The following OR6B1 variants were observed in gnomAD, a reference collection of about 807,000 sequenced individuals.
OR6B1 encodes the protein olfactory receptor family 6 subfamily B member 1, also known as olfactory receptor 6B1.
A neutral mutation model predicts 15.4 loss-of-function variants in OR6B1; 15 were observed. That is an observed-to-expected ratio of 0.97 (90% confidence interval 0.65 to 1.50). The LOEUF (loss-of-function observed/expected upper bound fraction) is 1.50. Among genes scored for constraint, OR6B1 ranks in the 40% most tolerant of loss-of-function variants. The pLI, the probability that OR6B1 is intolerant of heterozygous loss-of-function variation, is 0.00. For synonymous variants in OR6B1, 139 were observed against 144.9 expected (o/e 0.96, Z 0.29); for missense variants, 384 against 385.0 (o/e 1.00, Z 0.02).
chr7:144,006,719 TG>T lies in OR6B1; in HGVS notation c.*1788del. 1 of 152,124 alleles carries T rather than the reference TG, an allele frequency of 6.6e-6. No individual in the cohort carries two copies. The allele number at this position is 152,124 out of a possible 1,614,324, so 9.4% of individuals were successfully genotyped here. A position where few individuals can be genotyped will look rare whatever the true frequency, so the allele number is the denominator to read the frequency against. ...GACATGTTCAGTAGGGATTAGGAAATGAAAGATAAAAAAACTCTGGCAATAA... is the reference window on the plus strand; with the variant it reads ...GACATGTTCAGTAGGGATTAGGAAATAAAGATAAAAAAACTCTGGCAATAA... On this transcript the variant is annotated 3_prime_UTR_variant, in exon 2 of 2. Coordinates refer to ENST00000641698, the MANE Select transcript of OR6B1 (RefSeq NM_001005281.3).
Position 144,005,686 on chromosome 7 carries a change from G to A in OR6B1, c.*754G>A, listed in dbSNP as rs2050619626. On this transcript the variant is annotated 3_prime_UTR_variant, in exon 2 of 2. Coordinates refer to ENST00000641698, the MANE Select transcript of OR6B1 (RefSeq NM_001005281.3). ...ATTACTTCTCTTTTCTTTTGATCTT[G>A]ATATCCTCTTGTTCCCGCCCCGCAC... 6.6e-6 allele frequency: 1 copy of A among 151,876 alleles called. No individual in the cohort carries two copies. Among genetic ancestry groups the A allele is most frequent in the African/African-American group, 2.4e-5 (1 of 41,332 alleles). The allele number at this position is 151,876 out of a possible 1,614,324, so 9.4% of individuals were successfully genotyped here. A position where few individuals can be genotyped will look rare whatever the true frequency, so the allele number is the denominator to read the frequency against.
chr7:144,002,554 T>C (rs941337385), intron 1 of OR6B1, among the ~76,000 whole-genome samples: 4 of 152,206 alleles, frequency 2.6e-5, no homozygotes, highest in Non-Finnish European at 5.9e-5. Flanking sequence ...TTAAATCTGC[T>C]TCTCTGGAAC....
At chr7:144,003,380 C>A (rs1177112689) in intron 1 of OR6B1, among the ~76,000 whole-genome samples, 3 of 152,130 alleles carry the variant, frequency 2.0e-5, no homozygotes, top group Non-Finnish European at 2.9e-5. Flanking sequence ...AAGGTCATAG[C>A]AAATCGGTGG....
chr7:144,004,913 A>C lies in OR6B1; in HGVS notation c.917A>C (p.Gln306Pro), dbSNP rs1406274187. The C allele has an allele frequency of 1.2e-6, 2 of 1,602,760 alleles. No individual in the cohort carries two copies. Among genetic ancestry groups the C allele is most frequent in the African/African-American group, 2.7e-5 (2 of 74,788 alleles). The change falls in exon 2 of 2, where the codon CAG becomes CCG. Residue 306 changes from glutamine (Q) to proline (P), a missense_variant. Coordinates refer to ENST00000641698, the MANE Select transcript of OR6B1 (RefSeq NM_001005281.3). ...KEALKKLAYCQASRSD is the reference protein window; with the variant it reads ...KEALKKLAYCPASRSD ...GCTCTGAAGAAACTGGCATATTGCCAGGCCAGCAGATCTGACTAGTCAATT... is the reference window on the plus strand; with the variant it reads ...GCTCTGAAGAAACTGGCATATTGCCCGGCCAGCAGATCTGACTAGTCAATT...
rs1214737496 is a variant in OR6B1, at chr7:144,004,568, A to G, written c.572A>G (p.Asp191Gly). The change falls in exon 2 of 2, where the codon GAC becomes GGC. Residue 191 changes from aspartate to glycine, a missense_variant. Coordinates refer to ENST00000641698, the MANE Select transcript of OR6B1 (RefSeq NM_001005281.3). ...CCAGTACTTAATCTCTCCTGCACAG[A>G]CATGTCCATAACTGAGTTGGTAGAC... ...ISPVLNLSCTDMSITELVDFI... is the reference protein window; with the variant it reads ...ISPVLNLSCTGMSITELVDFI... The G allele has an allele frequency of 6.2e-7, 1 of 1,614,174 alleles. No individual in the cohort carries two copies. The highest frequency in any genetic ancestry group is 1.1e-5 in the South Asian group (1 of 91,088).
In OR6B1 at chr7:144,005,771, CAG is replaced by C. The variant is rs1227448156; in HGVS notation, c.*843_*844del. The C allele has an allele frequency of 2.0e-5, 3 of 152,012 alleles. No homozygotes were observed. Among genetic ancestry groups the C allele is most frequent in the Non-Finnish European group, 2.9e-5 (2 of 68,026 alleles). 9.4% of individuals were successfully genotyped at this position (152,012 alleles called of 1,614,324 possible). A position where few individuals can be genotyped will look rare whatever the true frequency, so the allele number is the denominator to read the frequency against. On this transcript the variant is annotated 3_prime_UTR_variant, in exon 2 of 2. Transcript: ENST00000641698. Reference sequence around the variant, plus strand: ...TTTTCCACTTTCTCCACACTCAACTCAGAGATAAGTAACAGGTTTCAGGAATT... The same window carrying C: ...TTTTCCACTTTCTCCACACTCAACTCAGATAAGTAACAGGTTTCAGGAATT...
intron 1 of OR6B1, among the ~76,000 whole-genome samples, chr7:144,002,161 T>A (rs1019615034): frequency 3.3e-5 from 5 of 152,242 alleles, no homozygotes; most frequent in African/African-American, 1.2e-4. Context: ...GGACCTGGGC[T>A]TTATGATTCT....
At position 144,004,959 on chromosome 7, in the gene OR6B1, G is replaced by A. The variant is rs562383669; in HGVS notation, c.*27G>A. The A allele has an allele frequency of 3.9e-5, 58 of 1,504,380 alleles. No individual in the cohort carries two copies. In the East Asian group the frequency reaches 1.3e-3, roughly 33 times the overall value. 93.2% of individuals were successfully genotyped at this position (1,504,380 alleles called of 1,614,324 possible). A position where few individuals can be genotyped will look rare whatever the true frequency, so the allele number is the denominator to read the frequency against. On this transcript the variant is annotated 3_prime_UTR_variant, in exon 2 of 2. Coordinates refer to ENST00000641698, the MANE Select transcript of OR6B1 (RefSeq NM_001005281.3). Reference sequence around the variant, plus strand: ...CAATTACAGCTGATTAGAAAGAAAGGTCTGAGTGGGTGCCTGTATGTCTTC... The same window carrying A: ...CAATTACAGCTGATTAGAAAGAAAGATCTGAGTGGGTGCCTGTATGTCTTC...
rs1480952858 is a variant in OR6B1 at position 144,004,981 on chromosome 7, C to T, written c.*49C>T. The T allele has an allele frequency of 1.5e-6, 2 of 1,317,304 alleles. No homozygotes were observed. The highest frequency in any genetic ancestry group is 4.5e-5 in the Admixed American group (2 of 44,714). 81.6% of individuals were successfully genotyped at this position (1,317,304 alleles called of 1,614,324 possible). On this transcript the variant is annotated 3_prime_UTR_variant, in exon 2 of 2. Coordinates refer to ENST00000641698, the MANE Select transcript of OR6B1 (RefSeq NM_001005281.3). ...AAGGTCTGAGTGGGTGCCTGTATGT[C>T]TTCCTCCATCCTTTCTCCTTTAACG... is the stretch of plus-strand genomic sequence containing the variant.
Position 144,004,447 on chromosome 7 carries a change from AT to A in OR6B1, c.453del (p.Ile151MetfsTer44). ...CFRLALGSWA[I>X]GFGISLAKIY... ...CCGCCTCGCTCTTGGTTCCTGGGCC[AT>A]TGGCTTTGGCATCTCCCTGGCGAAG... On this transcript the variant is annotated frameshift_variant, in exon 2 of 2. Coordinates refer to ENST00000641698, the MANE Select transcript of OR6B1 (RefSeq NM_001005281.3). LOFTEE classifies it high-confidence loss of function. 1 of 1,614,104 alleles carries A rather than the reference AT, an allele frequency of 6.2e-7. No homozygotes were observed.
chr7:144,002,115 T>TGA (rs1282068646), intron 1 of OR6B1, among the ~76,000 whole-genome samples: 1 of 152,224 alleles, frequency 6.6e-6, no homozygotes, highest in African/African-American at 2.4e-5. Context: ...CATCAGTGTG[T>TGA]TTCACTCTAG....
At position 144,008,411 on chromosome 7, in the gene OR6B1, T is replaced by C. The variant is rs980582011; in HGVS notation, c.*3479T>C. The C allele has an allele frequency of 6.6e-6, 1 of 152,162 alleles. No individual in the cohort carries two copies. Among genetic ancestry groups the C allele is most frequent in the Non-Finnish European group, 1.5e-5 (1 of 68,100 alleles). The allele number at this position is 152,162 out of a possible 1,614,324, so 9.4% of individuals were successfully genotyped here. On this transcript the variant is annotated 3_prime_UTR_variant, in exon 2 of 2. Transcript: ENST00000641698. The stretch of plus-strand genomic sequence containing the variant: ...CAGCAAGGGAAGATATGGAGTCTTG[T>C]GTAGTATGTTTGAGGGACATTGAAG...
At position 144,007,528 on chromosome 7, in the gene OR6B1, C is replaced by T. The variant is rs558522303; in HGVS notation, c.*2596C>T. ...AAAATATAAATATATATTAATTACA[C>T]ATGCAGTATATATTTTAAATCACTA... is the stretch of plus-strand genomic sequence containing the variant. On this transcript the variant is annotated 3_prime_UTR_variant, in exon 2 of 2. Coordinates refer to ENST00000641698, the MANE Select transcript of OR6B1 (RefSeq NM_001005281.3). 7.2e-5 allele frequency: 11 copies of T among 152,138 alleles called. No individual in the cohort carries two copies. The East Asian group carries it at 2.1e-3, about 29-fold the overall frequency. 9.4% of individuals were successfully genotyped at this position (152,138 alleles called of 1,614,324 possible).
At position 144,006,784 on chromosome 7, in the gene OR6B1, C is replaced by T. The variant is rs2050627794; in HGVS notation, c.*1852C>T. ...CCTGGATATATATTCACCATGTGAC[C>T]TTGGCCAAACCATCTATACTTTTGG... is the stretch of plus-strand genomic sequence containing the variant. On this transcript the variant is annotated 3_prime_UTR_variant, in exon 2 of 2. Coordinates refer to ENST00000641698, the MANE Select transcript of OR6B1 (RefSeq NM_001005281.3). 6.6e-6 allele frequency: 1 copy of T among 152,142 alleles called. No homozygotes were observed. Among genetic ancestry groups the T allele is most frequent in the Non-Finnish European group, 1.5e-5 (1 of 68,018 alleles). The allele number at this position is 152,142 out of a possible 1,614,324, so 9.4% of individuals were successfully genotyped here. A position where few individuals can be genotyped will look rare whatever the true frequency, so the allele number is the denominator to read the frequency against.
chr7:144,003,519 A>C (rs1266015284), intron 1 of OR6B1, among the ~76,000 whole-genome samples: 2 of 152,180 alleles, frequency 1.3e-5, no homozygotes, highest in African/African-American at 4.8e-5. Flanking sequence ...GGTAGATGAA[A>C]ATAATAGCAT....
chr7:144,003,343 A>C (rs1353802833), intron 1 of OR6B1, among the ~76,000 whole-genome samples: 1 of 152,182 alleles, frequency 6.6e-6, no homozygotes, highest in African/African-American at 2.4e-5. Flanking sequence ...GGAAGAGAAA[A>C]CTCAATCTCA....
rs367697249 is a variant in OR6B1 at position 144,006,402 on chromosome 7, CAT to C, written c.*1471_*1472del. The C allele has an allele frequency of 9.9e-5, 15 of 152,048 alleles. No individual in the cohort carries two copies. Among genetic ancestry groups the C allele is most frequent in the African/African-American group, 2.4e-4 (10 of 41,382 alleles). The allele number at this position is 152,048 out of a possible 1,614,324, so 9.4% of individuals were successfully genotyped here. A position where few individuals can be genotyped will look rare whatever the true frequency, so the allele number is the denominator to read the frequency against. On this transcript the variant is annotated 3_prime_UTR_variant, in exon 2 of 2. Transcript: ENST00000641698. ...AACAGTAATAAAATAAAAATGAAAA[CAT>C]GTGAATTATAGGTCCCAGAGGAAAA... is the stretch of plus-strand genomic sequence containing the variant.
intron 1 of OR6B1, among the ~76,000 whole-genome samples, chr7:144,002,775 C>T (rs531410015): frequency 1.3e-5 from 2 of 152,194 alleles, no homozygotes; most frequent in South Asian, 2.1e-4. Context: ...TTGTTATAAC[C>T]TCTGGGGTCC....
rs535035754 is a variant in OR6B1 at position 144,006,761 on chromosome 7, T to C, written c.*1829T>C. On this transcript the variant is annotated 3_prime_UTR_variant, in exon 2 of 2. Transcript: ENST00000641698. ...CTGGCAATAACTTGAATTTTAGCCC[T>C]GGATATATATTCACCATGTGACCTT... is the stretch of plus-strand genomic sequence containing the variant. 6.6e-6 allele frequency: 1 copy of C among 152,358 alleles called. No individual in the cohort carries two copies. The highest frequency in any genetic ancestry group is 1.5e-5 in the Non-Finnish European group (1 of 68,024). The allele number at this position is 152,358 out of a possible 1,614,324, so 9.4% of individuals were successfully genotyped here.
Sources: allele counts gnomAD v4.1 joint callset (sites outside exome capture counted in the v4.1 genomes callset), GRCh38; gene constraint gnomAD v4.1.1; transcripts MANE v1.5; gene names NCBI Gene and HGNC (gene_info 2026-07-23, HGNC 2026-07-21).